ARHGAP15: variants seen among roughly 807,000 people sequenced by gnomAD.
ARHGAP15 encodes rho GTPase-activating protein 15.
In ARHGAP15, 51 loss-of-function variants were observed where a neutral mutation model predicts 63.7. That is an observed-to-expected ratio of 0.80 (90% CI 0.64 to 1.01). ARHGAP15 has a LOEUF of 1.01. Among genes scored for constraint, ARHGAP15 ranks in the 50% least tolerant of loss-of-function variants. The probability of loss-of-function intolerance (pLI) is 0.00; values close to 1 mark genes in which losing one functional copy is unlikely to be tolerated. For missense variants in ARHGAP15, 560 were observed against 564.6 expected, an observed-to-expected ratio of 0.99 and a Z score of 0.08; for synonymous variants, 191 against 193.8, an observed-to-expected ratio of 0.99 and a Z score of 0.12.
chr2:143,703,512 G>A lies in ARHGAP15; in HGVS notation c.1232G>A (p.Gly411Glu), dbSNP rs113815280. ...PNRDTMKVLF[G>E]HLTKIVAKAS... is the part of the protein sequence containing the mutation. ...CGTGACACCATGAAAGTCCTCTTTG[G>A]ACATCTAACTAAGTAAGTTGTAAGG... Residue 411 changes from glycine to glutamate, a missense_variant, in exon 13 of 14, where the codon GGA becomes GAA. Transcript: ENST00000295095. 464 of 1,608,424 alleles carry A rather than the reference G, an allele frequency of 2.9e-4. 2 individuals are homozygous for A. In the African/African-American group the frequency reaches 5.4e-3, roughly 19 times the overall value.
chr2:143,251,382 T>C (rs542824647), intron 6 of ARHGAP15, among the ~76,000 whole-genome samples: 13 of 152,152 alleles, frequency 8.5e-5, no homozygotes, highest in Non-Finnish European at 1.5e-4. Flanking sequence ...TTAAATTAAA[T>C]GTCTTCTGAG....
chr2:143,265,090 C>G (rs1271856757), intron 6 of ARHGAP15, among the ~76,000 whole-genome samples: 1 of 151,672 alleles, frequency 6.6e-6, no homozygotes, highest in African/African-American at 2.4e-5. Context: ...TAGGTGGAGG[C>G]AATATAATTT....
intron 6 of ARHGAP15, among the ~76,000 whole-genome samples, chr2:143,367,516 C>G (rs778041787): frequency 2.0e-5 from 3 of 151,962 alleles, no homozygotes; most frequent in Non-Finnish European, 4.4e-5. Context: ...TACTAATTGG[C>G]TCCATTTTTA....
chr2:143,340,692 T>G (rs946148457), intron 6 of ARHGAP15, among the ~76,000 whole-genome samples: 1 of 152,106 alleles, frequency 6.6e-6, no homozygotes, highest in Non-Finnish European at 1.5e-5. Context: ...CTGATTCTCA[T>G]AACAAAGGCC....
At chr2:143,578,740 A>C (rs1295977756) in intron 11 of ARHGAP15, among the ~76,000 whole-genome samples, 1 of 152,190 alleles carries the variant, frequency 6.6e-6, no homozygotes, top group Admixed American at 6.6e-5. Context: ...TGTATCCAGC[A>C]GTTTAAAAAT....
At chr2:143,421,504 G>A (rs1351393632) in intron 6 of ARHGAP15, among the ~76,000 whole-genome samples, 1 of 151,896 alleles carries the variant, frequency 6.6e-6, no homozygotes, top group East Asian at 1.9e-4. Context: ...AGCACATCAA[G>A]GAACAGGGCA....
chr2:143,399,804 G>A (rs183539187), intron 6 of ARHGAP15, among the ~76,000 whole-genome samples: 1 of 152,058 alleles, frequency 6.6e-6, no homozygotes, highest in Non-Finnish European at 1.5e-5. Context: ...CAAGCCTTCT[G>A]GATCTGATCC....
chr2:143,164,721 A>C (rs906754141), intron 2 of ARHGAP15, among the ~76,000 whole-genome samples: 1 of 151,254 alleles, frequency 6.6e-6, no homozygotes, highest in African/African-American at 2.4e-5. Flanking sequence ...ATTAGATTTC[A>C]TGTCATCATT....
chr2:143,701,370 G>A (rs1574859533), intron 12 of ARHGAP15, among the ~76,000 whole-genome samples: 1 of 152,134 alleles, frequency 6.6e-6, no homozygotes, highest in African/African-American at 2.4e-5. Flanking sequence ...ATTAAGAACT[G>A]TATTTGGCCT....
At chr2:143,474,272 T>A (rs1691712854) in intron 8 of ARHGAP15, among the ~76,000 whole-genome samples, 1 of 152,120 alleles carries the variant, frequency 6.6e-6, no homozygotes, top group African/African-American at 2.4e-5. Flanking sequence ...CACTTAGCAT[T>A]GCTACATGTC....
intron 6 of ARHGAP15, among the ~76,000 whole-genome samples, chr2:143,404,009 A>C (rs1179851594): frequency 6.6e-6 from 1 of 151,876 alleles, no homozygotes; most frequent in East Asian, 1.9e-4. Flanking sequence ...TCTCTAGTTT[A>C]AATGGAAAAT....
chr2:143,441,075 A>T lies in ARHGAP15; in HGVS notation c.703+4033A>T, dbSNP rs2105105380. 1.3e-5 allele frequency among the ~76,000 whole-genome samples: 2 copies of T among 152,246 alleles called. 1 individual carries two copies. Among genetic ancestry groups the T allele is most frequent in the South Asian group, 4.1e-4 (2 of 4,824 alleles). ...AATTAGACATGTAAATACTTAGCTC[A>T]TAGCAGGCACTCAGTAAGTAGGAGC... On this transcript the variant is annotated intron_variant, in intron 8 of 13. Coordinates refer to ENST00000295095, the MANE Select transcript of ARHGAP15 (RefSeq NM_018460.4).
intron 6 of ARHGAP15, among the ~76,000 whole-genome samples, chr2:143,388,158 A>T (rs1687379271): frequency 6.6e-6 from 1 of 152,192 alleles, no homozygotes. Context: ...TGTTTCCAAA[A>T]TTATTCACGT....
intron 12 of ARHGAP15, among the ~76,000 whole-genome samples, chr2:143,700,372 C>T (rs1684031446): frequency 6.6e-6 from 1 of 152,164 alleles, no homozygotes; most frequent in Non-Finnish European, 1.5e-5. Flanking sequence ...GTAAAGTTTG[C>T]TGGTTGGAAC....
chr2:143,357,508 G>A (rs1016105285), intron 6 of ARHGAP15, among the ~76,000 whole-genome samples: 2 of 152,090 alleles, frequency 1.3e-5, no homozygotes, highest in East Asian at 1.9e-4. Context: ...GAACCCAAAG[G>A]TTAACTTTCC....
At chr2:143,265,377 G>A (rs1680938318) in intron 6 of ARHGAP15, among the ~76,000 whole-genome samples, 1 of 152,054 alleles carries the variant, frequency 6.6e-6, no homozygotes, top group Non-Finnish European at 1.5e-5. Context: ...TAGTCTAAAA[G>A]TTTTGGCGCT....
At chr2:143,626,947 G>T (rs568082931) in intron 12 of ARHGAP15, among the ~76,000 whole-genome samples, 2 of 152,276 alleles carry the variant, frequency 1.3e-5, no homozygotes, top group Admixed American at 6.5e-5. Context: ...TGGAGATTAG[G>T]TCATTAGGGC....
chr2:143,550,999 C>A (rs1574622314), intron 10 of ARHGAP15, among the ~76,000 whole-genome samples: 1 of 152,056 alleles, frequency 6.6e-6, no homozygotes, highest in East Asian at 1.9e-4. Flanking sequence ...GGCAAATTAA[C>A]TCAATGAAGA....
At chr2:143,164,159 C>A (rs575942806) in intron 2 of ARHGAP15, among the ~76,000 whole-genome samples, 1 of 152,088 alleles carries the variant, frequency 6.6e-6, no homozygotes, top group South Asian at 2.1e-4. Flanking sequence ...TTTATTGTTA[C>A]CATCTGTTTA....
Sources: gnomAD v4.1 joint callset for allele counts (sites outside exome capture counted in the v4.1 genomes callset) on GRCh38, gnomAD v4.1.1 for gene constraint, MANE v1.5 for transcripts, NCBI Gene and HGNC (gene_info 2026-07-23, HGNC 2026-07-21) for gene names.